The following PARD3B variants were observed in gnomAD, a reference collection of about 807,000 sequenced individuals.
PARD3B encodes par-3 family cell polarity regulator beta.
Under a neutral mutation model 130.2 loss-of-function variants are expected in PARD3B, and 103 were observed. The ratio of observed to expected loss-of-function variants is 0.79; its 90% CI spans 0.67 to 0.93. PARD3B has a LOEUF of 0.93. Ranked by LOEUF, PARD3B falls within the 40% of genes least tolerant of loss-of-function variation. The pLI, the probability that PARD3B is intolerant of heterozygous loss-of-function variation, is 0.00. For synonymous variants in PARD3B, 583 were observed against 553.2 expected (o/e 1.05, Z -0.76); for missense variants, 1,609 against 1,499.2 (o/e 1.07, Z -1.21).
chr2:204,553,515 C>T (rs1012619447), intron 1 of PARD3B, among the ~76,000 whole-genome samples: 6 of 146,710 alleles, frequency 4.1e-5, no homozygotes, highest in East Asian at 4.0e-4. Flanking sequence ...CACCAGTCAA[C>T]GAGTGGGTAA....
In PARD3B at chr2:204,906,463, G is replaced by A. The variant is rs187471085; in HGVS notation, c.223-58689G>A. Among the ~76,000 whole-genome samples, 170 of 152,236 alleles carry A rather than the reference G, an allele frequency of 1.1e-3. No individual in the cohort carries two copies. The highest frequency in any genetic ancestry group is 1.9e-3 in the African/African-American group (80 of 41,536). Reference sequence around the variant, plus strand: ...TATGGGAAGAGAGAATTCTCCTCCCGTGCCAGTTATATATATGGGCAGTAG... The same window carrying A: ...TATGGGAAGAGAGAATTCTCCTCCCATGCCAGTTATATATATGGGCAGTAG... On this transcript the variant is annotated intron_variant, in intron 2 of 22. Coordinates refer to ENST00000406610, the MANE Select transcript of PARD3B (RefSeq NM_001302769.2). This position sits in a 1 kb window ranked among gnomAD's most constrained non-coding sequence, Gnocchi z 4.3.
chr2:204,952,058 A>T (rs1023786000), intron 2 of PARD3B, among the ~76,000 whole-genome samples: 1 of 152,228 alleles, frequency 6.6e-6, no homozygotes, highest in African/African-American at 2.4e-5. Context: ...TGGGGAATAA[A>T]AAAAGTAACT....
At chr2:205,141,097 A>G (rs2032912489) in intron 10 of PARD3B, among the ~76,000 whole-genome samples, 1 of 152,208 alleles carries the variant, frequency 6.6e-6, no homozygotes, top group African/African-American at 2.4e-5. Flanking sequence ...AACAGTCATT[A>G]GCATATTTGA....
chr2:205,216,417 C>T (rs1322396466), intron 15 of PARD3B, among the ~76,000 whole-genome samples: 1 of 152,062 alleles, frequency 6.6e-6, no homozygotes, highest in African/African-American at 2.4e-5. Flanking sequence ...TTGACTTTCT[C>T]TTAGTGGAAG....
intron 18 of PARD3B, among the ~76,000 whole-genome samples, chr2:205,360,079 A>G (rs947620700): frequency 6.6e-6 from 1 of 152,006 alleles, no homozygotes; most frequent in South Asian, 2.1e-4. Context: ...TATTGTCTAC[A>G]TTTCTGATTT....
chr2:204,589,611 C>G (rs1296070974), intron 1 of PARD3B, among the ~76,000 whole-genome samples: 1 of 152,064 alleles, frequency 6.6e-6, no homozygotes, highest in East Asian at 1.9e-4. Flanking sequence ...GTTCTAGGCA[C>G]TGAGAGCAAG....
chr2:204,755,042 T>C (rs1478516929), intron 2 of PARD3B, among the ~76,000 whole-genome samples: 1 of 152,130 alleles, frequency 6.6e-6, no homozygotes, highest in African/African-American at 2.4e-5. Context: ...TTATTAGTGT[T>C]GTGTTATTTA....
chr2:205,345,525 A>G (rs4675521), intron 18 of PARD3B, among the ~76,000 whole-genome samples: 102,964 of 151,674 alleles, frequency 0.68, 36,654 homozygotes, highest in South Asian at 0.81. Flanking sequence ...TCAAGGTGCC[A>G]TATTTTGAGG....
At chr2:205,001,736 A>G (rs1348852129) in intron 3 of PARD3B, among the ~76,000 whole-genome samples, 2 of 152,220 alleles carry the variant, frequency 1.3e-5, no homozygotes, top group Non-Finnish European at 2.9e-5. Context: ...AGGTGGCAGA[A>G]AACTCCTTGT....
At chr2:205,328,463 T>C (rs2105762098) in intron 18 of PARD3B, among the ~76,000 whole-genome samples, 1 of 152,248 alleles carries the variant, frequency 6.6e-6, no homozygotes, top group South Asian at 2.1e-4. Flanking sequence ...TAAGTAAATA[T>C]CAGTACAAAA....
chr2:204,704,545 A>T (rs543743926), intron 2 of PARD3B, among the ~76,000 whole-genome samples: 3 of 152,320 alleles, frequency 2.0e-5, no homozygotes, highest in African/African-American at 7.2e-5. Flanking sequence ...GGTGGAAAAT[A>T]AAATATGGTA....
At chr2:204,653,255 A>G (rs899153030) in intron 1 of PARD3B, among the ~76,000 whole-genome samples, 1 of 145,940 alleles carries the variant, frequency 6.9e-6, no homozygotes, top group African/African-American at 2.6e-5. Flanking sequence ...GTACACCTGT[A>G]CCCCTGAACC....
chr2:205,273,991 T>A (rs2105808765), intron 16 of PARD3B, among the ~76,000 whole-genome samples: 1 of 152,282 alleles, frequency 6.6e-6, no homozygotes. Context: ...CACACCACCA[T>A]GAGTGTGTGT....
intron 19 of PARD3B, among the ~76,000 whole-genome samples, chr2:205,428,144 A>T (rs146949914): frequency 3.9e-5 from 6 of 152,110 alleles, no homozygotes; most frequent in African/African-American, 1.4e-4. Context: ...GCACTTTGGG[A>T]GGCCAAGGCA....
At chr2:204,744,070 A>G (rs2040118837) in intron 2 of PARD3B, among the ~76,000 whole-genome samples, 1 of 152,184 alleles carries the variant, frequency 6.6e-6, no homozygotes, top group South Asian at 2.1e-4. Flanking sequence ...TTCTATCTGT[A>G]TTAGATATCT....
At position 205,288,517 on chromosome 2, in the gene PARD3B, G is replaced by A. The variant is rs962674281; in HGVS notation, c.2186-12013G>A. Among the ~76,000 whole-genome samples the A allele has an allele frequency of 8.5e-5, 13 of 152,090 alleles. No homozygotes were observed. The South Asian group carries it at 1.0e-3, about 12-fold the overall frequency. On this transcript the variant is annotated intron_variant, in intron 16 of 22. Coordinates refer to ENST00000406610, the MANE Select transcript of PARD3B (RefSeq NM_001302769.2). This position sits in a 1 kb window ranked among gnomAD's most constrained non-coding sequence, Gnocchi z 4.0. ...TCTCTGAATACCAATATCATCAAGC[G>A]TTTACTCTGGTAAAAAAACTTCATG...
intron 2 of PARD3B, among the ~76,000 whole-genome samples, chr2:204,938,989 T>A (rs1688680073): frequency 6.6e-6 from 1 of 152,212 alleles, no homozygotes; most frequent in Admixed American, 6.5e-5. Context: ...TCCAGGACTA[T>A]TCCATATTTA....
intron 16 of PARD3B, among the ~76,000 whole-genome samples, chr2:205,254,765 C>T (rs537222804): frequency 7.9e-5 from 12 of 151,076 alleles, no homozygotes; most frequent in South Asian, 6.3e-4. Context: ...CCGGGGTTCA[C>T]GCCATTCTCC....
intron 16 of PARD3B, among the ~76,000 whole-genome samples, chr2:205,273,963 C>T (rs530026771): frequency 9.2e-5 from 14 of 152,176 alleles, no homozygotes; most frequent in Non-Finnish European, 1.8e-4. Context: ...TCAGCAGTCC[C>T]CCAGGGGTTG....
Sources: gnomAD v4.1 joint callset for allele counts (sites outside exome capture counted in the v4.1 genomes callset) on GRCh38, gnomAD v4.1.1 for gene constraint, Gnocchi (gnomAD v3.1) non-coding constraint, MANE v1.5 for transcripts, NCBI Gene and HGNC (gene_info 2026-07-23, HGNC 2026-07-21) for gene names.